BICRAL: variants seen among roughly 807,000 people sequenced by gnomAD.
BICRAL encodes BRD4-interacting chromatin-remodeling complex-associated protein-like.
Under a neutral mutation model 91.8 loss-of-function variants are expected in BICRAL, and 8 were observed. The observed-to-expected ratio is 0.09, with a 90% confidence interval of 0.05 to 0.16. The LOEUF is 0.16. BICRAL is among the 10% of genes least tolerant of loss of function. BICRAL has a pLI of 1.00. For missense variants in BICRAL, 1,038 were observed against 1,310.9 expected (o/e 0.79, Z 3.21); for synonymous variants, 445 against 491.1 (o/e 0.91, Z 1.24).
At chr6:42,835,013 A>G (rs923496248) in intron 6 of BICRAL, among the ~76,000 whole-genome samples, 2 of 152,230 alleles carry the variant, frequency 1.3e-5, no homozygotes, top group Non-Finnish European at 2.9e-5. Flanking sequence ...AATCTATATT[A>G]AAAGCTGTGA....
rs1258525770 is a variant in BICRAL at position 42,818,224 on chromosome 6, A to G, written c.-5-3794A>G. Among the ~76,000 whole-genome samples the G allele has an allele frequency of 2.6e-5, 4 of 152,274 alleles. No individual in the cohort carries two copies. In the East Asian group the frequency reaches 7.7e-4, roughly 29 times the overall value. Reference sequence around the variant, plus strand: ...AGGACATGTAGTATCTCACTACAATATTAATTTTTATTTCCCTTATTGTAA... The same window carrying G: ...AGGACATGTAGTATCTCACTACAATGTTAATTTTTATTTCCCTTATTGTAA... On this transcript the variant is annotated intron_variant, in intron 2 of 12. Coordinates refer to ENST00000314073, the MANE Select transcript of BICRAL (RefSeq NM_001393499.1).
intron 5 of BICRAL, among the ~76,000 whole-genome samples, chr6:42,827,031 C>T (rs1340139617): frequency 1.3e-5 from 2 of 152,178 alleles, no homozygotes; most frequent in Non-Finnish European, 2.9e-5. Context: ...GGTGATCCGC[C>T]CGCCTCAGCC....
At chr6:42,762,005 G>T (rs775528140) in intron 1 of BICRAL, among the ~76,000 whole-genome samples, 18 of 152,150 alleles carry the variant, frequency 1.2e-4, no homozygotes, top group Non-Finnish European at 2.5e-4. Context: ...TATTGGGCCA[G>T]GCCTACAGTA....
chr6:42,797,136 C>T (rs548598823), intron 1 of BICRAL, among the ~76,000 whole-genome samples: 1 of 150,486 alleles, frequency 6.6e-6, no homozygotes, highest in Non-Finnish European at 1.5e-5. Flanking sequence ...TTTTGTTGAC[C>T]AGGAAAAGAT....
chr6:42,772,755 A>G (rs1762755796), intron 1 of BICRAL, among the ~76,000 whole-genome samples: 1 of 152,146 alleles, frequency 6.6e-6, no homozygotes, highest in Admixed American at 6.5e-5. Flanking sequence ...ATAGGAGATC[A>G]ATGGGAGGCC....
intron 2 of BICRAL, among the ~76,000 whole-genome samples, chr6:42,815,185 C>CTTT (rs869106375): frequency 1.2e-3 from 126 of 101,146 alleles, no homozygotes; most frequent in Non-Finnish European, 1.8e-3. Context: ...GTCAGAATAT[C>CTTT]TTTTTTTTTT....
chr6:42,779,223 A>AACACACAC (rs57493144), upstream of BICRAL, among the ~76,000 whole-genome samples: 634 of 132,516 alleles, frequency 4.8e-3, 6 homozygotes, highest in Non-Finnish European at 7.1e-3. Flanking sequence ...TCTCAAGAAA[A>AACACACAC]ACACACACAC....
intron 1 of BICRAL, among the ~76,000 whole-genome samples, chr6:42,768,018 G>A (rs1762658034): frequency 6.6e-6 from 1 of 152,200 alleles, no homozygotes; most frequent in Non-Finnish European, 1.5e-5. Context: ...CCTGTCAGAT[G>A]GTTTAGAGCA....
At chr6:42,849,594 C>G (rs1323320822) in intron 6 of BICRAL, among the ~76,000 whole-genome samples, 4 of 151,990 alleles carry the variant, frequency 2.6e-5, no homozygotes, top group African/African-American at 9.7e-5. Context: ...TGCCCACCAC[C>G]ACGCCCAGCT....
chr6:42,823,545 T>C (rs1582846215), intron 5 of BICRAL, among the ~76,000 whole-genome samples: 1 of 152,156 alleles, frequency 6.6e-6, no homozygotes, highest in Non-Finnish European at 1.5e-5. Context: ...CTCAGCACTT[T>C]GGGAGGCCAA....
At chr6:42,836,023 T>C (rs546227531) in intron 6 of BICRAL, among the ~76,000 whole-genome samples, 2 of 152,286 alleles carry the variant, frequency 1.3e-5, no homozygotes, top group African/African-American at 4.8e-5. Flanking sequence ...AAAACAAGTC[T>C]TTCCCCAACC....
At chr6:42,780,774 G>A (rs1762887671), upstream of BICRAL, among the ~76,000 whole-genome samples, 1 of 150,778 alleles carries the variant, frequency 6.6e-6, no homozygotes, top group South Asian at 2.1e-4. Flanking sequence ...GTCTTGCTGT[G>A]TCGCCCAGGC....
chr6:42,826,932 A>G (rs1004391075), intron 5 of BICRAL, among the ~76,000 whole-genome samples: 2 of 152,070 alleles, frequency 1.3e-5, no homozygotes, highest in Admixed American at 6.6e-5. Flanking sequence ...GATTACAGGC[A>G]TGCGCCACCA....
chr6:42,861,297 G>A (rs549173385), intron 11 of BICRAL, among the ~76,000 whole-genome samples: 2 of 152,214 alleles, frequency 1.3e-5, no homozygotes, highest in South Asian at 4.1e-4. Context: ...GGGTGACAGA[G>A]TGAGACTCCG....
At chr6:42,797,190 A>G (rs561811949) in intron 1 of BICRAL, among the ~76,000 whole-genome samples, 89 of 152,258 alleles carry the variant, frequency 5.8e-4, no homozygotes, top group African/African-American at 2.0e-3. Flanking sequence ...GAAAAGATAC[A>G]TAAGCAGAAC....
chr6:42,864,167 CAAA>C (rs113036268), intron 12 of BICRAL, among the ~76,000 whole-genome samples: 1 of 124,960 alleles, frequency 8.0e-6, no homozygotes, highest in African/African-American at 3.0e-5. Context: ...AACTCCGTCT[CAAA>C]AAAAAAAAAA....
chr6:42,749,024 T>C (rs1005087743), intron 1 of BICRAL, among the ~76,000 whole-genome samples: 1 of 152,198 alleles, frequency 6.6e-6, no homozygotes, highest in African/African-American at 2.4e-5. Context: ...TTCAATGATA[T>C]CTCAAAGGGC....
In BICRAL at chr6:42,867,129, A is replaced by G; in HGVS notation, c.*1683A>G. On this transcript the variant is annotated 3_prime_UTR_variant, in exon 13 of 13. Transcript: ENST00000314073. ...TGTCGCCAACATGGGGATGACCCCC[A>G]TTGTCATCATGTTGGGCATTTCTTT... 1 of 251,496 alleles carries G rather than the reference A, an allele frequency of 4.0e-6. No individual in the cohort carries two copies. Among genetic ancestry groups the G allele is most frequent in the South Asian group, 4.5e-5 (1 of 22,136 alleles). 15.6% of individuals were successfully genotyped at this position (251,496 alleles called of 1,614,324 possible). A position where few individuals can be genotyped will look rare whatever the true frequency, so the allele number is the denominator to read the frequency against.
intron 12 of BICRAL, among the ~76,000 whole-genome samples, chr6:42,864,009 CA>C (rs1029081016): frequency 6.6e-6 from 1 of 151,684 alleles, no homozygotes; most frequent in African/African-American, 2.4e-5. Flanking sequence ...ACTAAAAATA[CA>C]AAAAAAATTA....
Sources: allele counts gnomAD v4.1 joint callset (sites outside exome capture counted in the v4.1 genomes callset), GRCh38; gene constraint gnomAD v4.1.1; transcripts MANE v1.5; gene names NCBI Gene and HGNC (gene_info 2026-07-23, HGNC 2026-07-21).